The following B4GALT1 variants were observed in gnomAD, a reference collection of about 807,000 sequenced individuals.
B4GALT1 encodes the protein N-acetyllactosamine synthase.
B4GALT1 carries 16 observed loss-of-function variants against 34.9 expected under a neutral mutation model. The ratio of observed to expected loss-of-function variants is 0.46; its 90% CI spans 0.31 to 0.70. The LOEUF (loss-of-function observed/expected upper bound fraction) is 0.70. Among genes scored for constraint, B4GALT1 ranks in the 30% least tolerant of loss-of-function variants. The pLI, the probability that B4GALT1 is intolerant of heterozygous loss-of-function variation, is 0.05. For missense variants in B4GALT1, 445 were observed against 530.5 expected (o/e 0.84, Z 1.58); for synonymous variants, 221 against 218.1 (o/e 1.01, Z -0.12).
intron 2 of B4GALT1, among the ~76,000 whole-genome samples, chr9:33,134,638 T>C (rs1474674454): frequency 6.6e-6 from 1 of 152,192 alleles, no homozygotes; most frequent in Non-Finnish European, 1.5e-5. Context: ...AGAAACTTTT[T>C]CTCAGACTCG....
chr9:33,163,771 G>A (rs1380165161), intron 1 of B4GALT1, among the ~76,000 whole-genome samples: 1 of 152,248 alleles, frequency 6.6e-6, no homozygotes, highest in Non-Finnish European at 1.5e-5. Flanking sequence ...GATGCCGCAT[G>A]GCCCCGCTGA....
chr9:33,115,883 G>C lies in B4GALT1; in HGVS notation c.959+108C>G, dbSNP rs1839930961. The C allele has an allele frequency of 1.8e-5, 26 of 1,408,274 alleles. No homozygotes were observed. The South Asian group carries it at 2.9e-4, about 16-fold the overall frequency. The allele number at this position is 1,408,274 out of a possible 1,614,324, so 87.2% of individuals were successfully genotyped here. A position where few individuals can be genotyped will look rare whatever the true frequency, so the allele number is the denominator to read the frequency against. On this transcript the variant is annotated intron_variant, in intron 4 of 5. Coordinates refer to ENST00000379731, the MANE Select transcript of B4GALT1 (RefSeq NM_001497.4). ...ACACCTAAGAATGTGGGCTGACTAG[G>C]GGTGCATCCCATCTGAGGGTCAGTC...
At chr9:33,119,457 C>T (rs879711395) in intron 3 of B4GALT1, among the ~76,000 whole-genome samples, 6 of 152,202 alleles carry the variant, frequency 3.9e-5, no homozygotes, top group Non-Finnish European at 8.8e-5. Context: ...TGGTTCACAC[C>T]TGTAATCCCA....
upstream of B4GALT1, among the ~76,000 whole-genome samples, chr9:33,168,405 A>G (rs2118364739): frequency 6.6e-6 from 1 of 152,376 alleles, no homozygotes; most frequent in Admixed American, 6.5e-5. Context: ...AGGTGCTGTC[A>G]GTAATGTGGA....
the B4GALT1 span, among the ~76,000 whole-genome samples, chr9:33,183,126 G>T: frequency 6.6e-6 from 1 of 152,140 alleles, no homozygotes; most frequent in Non-Finnish European, 1.5e-5. Flanking sequence ...ATTGCACACT[G>T]CTCTGAGTAG....
chr9:33,159,193 G>T (rs1840640691), intron 1 of B4GALT1, among the ~76,000 whole-genome samples: 2 of 152,054 alleles, frequency 1.3e-5, no homozygotes, highest in African/African-American at 2.4e-5. Flanking sequence ...GCGGTTTCAG[G>T]ATGTCAAAGG....
In B4GALT1 at chr9:33,131,096, C is replaced by T. The variant is rs550669557; in HGVS notation, c.648+4093G>A. On this transcript the variant is annotated intron_variant, in intron 2 of 5. Transcript: ENST00000379731. ...GTAAAGTGGCAGTGCCAGGACTGAACCCAGGCAGTCTGAGCACACAGCACA... is the reference window on the plus strand; with the variant it reads ...GTAAAGTGGCAGTGCCAGGACTGAATCCAGGCAGTCTGAGCACACAGCACA... Among the ~76,000 whole-genome samples, 4 of 152,286 alleles carry T rather than the reference C, an allele frequency of 2.6e-5. No homozygotes were observed. The South Asian group carries it at 6.2e-4, about 24-fold the overall frequency.
chr9:33,179,607 G>A, the B4GALT1 span: 1 of 152,176 alleles, frequency 6.6e-6, no homozygotes, highest in Non-Finnish European at 1.5e-5. Context: ...TTTTACAGTG[G>A]TGCAAAAGCA....
the B4GALT1 span, among the ~76,000 whole-genome samples, chr9:33,173,007 C>CCTCA: frequency 6.6e-6 from 1 of 152,218 alleles, no homozygotes; most frequent in African/African-American, 2.4e-5. Context: ...GCCTCAGGAC[C>CCTCA]TGAGCATGGT....
At chr9:33,174,407 G>T in the B4GALT1 span, 1 of 152,188 alleles carries the variant, frequency 6.6e-6, no homozygotes, top group African/African-American at 2.4e-5. Flanking sequence ...CTAGCACTTT[G>T]GGAGGCTGAG....
the B4GALT1 span, among the ~76,000 whole-genome samples, chr9:33,182,565 C>T: frequency 6.6e-6 from 1 of 152,114 alleles, no homozygotes; most frequent in Non-Finnish European, 1.5e-5. Flanking sequence ...TTACTCCTCC[C>T]TTTTTTCCCC....
At chr9:33,176,451 G>A in the B4GALT1 span, among the ~76,000 whole-genome samples, 1 of 152,090 alleles carries the variant, frequency 6.6e-6, no homozygotes, top group Non-Finnish European at 1.5e-5. Context: ...ACTCTTAGAA[G>A]CACTTTAGTC....
chr9:33,147,611 A>G (rs1179410609), intron 1 of B4GALT1, among the ~76,000 whole-genome samples: 3 of 152,206 alleles, frequency 2.0e-5, no homozygotes, highest in Admixed American at 1.3e-4. Context: ...CTGTTTACTG[A>G]GGAGAGTCAG....
At chr9:33,180,039 A>G in the B4GALT1 span, 1 of 152,176 alleles carries the variant, frequency 6.6e-6, no homozygotes. Context: ...TCCCAACCTG[A>G]AGACAACTCC....
intron 1 of B4GALT1, among the ~76,000 whole-genome samples, chr9:33,159,763 C>T (rs1840648211): frequency 6.6e-6 from 1 of 152,238 alleles, no homozygotes; most frequent in Admixed American, 6.5e-5. Context: ...TTGCTCCCAC[C>T]TTCCTGTGCG....
chr9:33,118,893 G>A (rs1839980354), intron 3 of B4GALT1, among the ~76,000 whole-genome samples: 1 of 109,454 alleles, frequency 9.1e-6, no homozygotes, highest in Non-Finnish European at 1.8e-5. Flanking sequence ...ACAGAGTCTT[G>A]CTCTGTTGCC....
intron 1 of B4GALT1, among the ~76,000 whole-genome samples, chr9:33,150,499 T>C (rs936675035): frequency 2.6e-5 from 4 of 151,766 alleles, no homozygotes; most frequent in Non-Finnish European, 5.9e-5. Flanking sequence ...AATGTATATA[T>C]ACTGTGTGAC....
chr9:33,117,579 A>C lies in B4GALT1; in HGVS notation c.837-1466T>G, dbSNP rs527252885. ...GGAATCCAAAAAGACCAAACCCATC[A>C]CATAAATTAAGGAAAACTCTAACTC... On this transcript the variant is annotated intron_variant, in intron 3 of 5. Coordinates refer to ENST00000379731, the MANE Select transcript of B4GALT1 (RefSeq NM_001497.4). Among the ~76,000 whole-genome samples, 122 of 152,366 alleles carry C rather than the reference A, an allele frequency of 8.0e-4. 1 individual carries two copies. Among genetic ancestry groups the C allele is most frequent in the African/African-American group, 2.8e-3 (117 of 41,594 alleles).
intron 2 of B4GALT1, among the ~76,000 whole-genome samples, chr9:33,130,348 TCTC>T (rs1341191487): frequency 2.0e-5 from 3 of 152,086 alleles, no homozygotes; most frequent in South Asian, 2.1e-4. Context: ...TATGATGTCT[TCTC>T]CTTCTGTTGC....
Sources: gnomAD v4.1 joint callset for allele counts (sites outside exome capture counted in the v4.1 genomes callset) on GRCh38, gnomAD v4.1.1 for gene constraint, MANE v1.5 for transcripts, NCBI Gene and HGNC (gene_info 2026-07-23, HGNC 2026-07-21) for gene names.